Variants in MAGI2 observed in about 807,000 individuals in gnomAD.
MAGI2 encodes membrane-associated guanylate kinase, WW and PDZ domain-containing protein 2.
A neutral mutation model predicts 133.3 loss-of-function variants in MAGI2; 35 were observed. The observed-to-expected ratio is 0.26, with a 90% CI of 0.20 to 0.35. The LOEUF is 0.35. MAGI2 is among the 10% of genes least tolerant of loss of function. The pLI is 1.00. For missense variants in MAGI2, 1,636 were observed against 1,863.4 expected (o/e 0.88, Z 2.25); for synonymous variants, 729 against 710.6 (o/e 1.03, Z -0.41).
intron 1 of MAGI2, among the ~76,000 whole-genome samples, chr7:79,139,040 C>T (rs1453115731): frequency 6.7e-6 from 1 of 150,320 alleles, no homozygotes; most frequent in Admixed American, 6.6e-5. Context: ...AGAGAAAAGG[C>T]CATCTGGGAA....
chr7:78,350,858 A>G (rs1439014066), intron 7 of MAGI2, among the ~76,000 whole-genome samples: 9 of 152,102 alleles, frequency 5.9e-5, no homozygotes, highest in Admixed American at 5.9e-4. Context: ...TGCTCCCTGT[A>G]TATCTATATC....
chr7:78,398,326 T>C (rs1384062766), intron 6 of MAGI2, among the ~76,000 whole-genome samples: 1 of 152,110 alleles, frequency 6.6e-6, no homozygotes, highest in African/African-American at 2.4e-5. Context: ...CTTGTTGAAA[T>C]TGCACCTCTC....
chr7:79,049,132 C>T lies in MAGI2; in HGVS notation c.302-41926G>A, dbSNP rs532540942. ...TTTCATAATCTTTAATGTTACTCATCCACAAAGGAAAAAATGACATGATTA... is the reference window on the plus strand; with the variant it reads ...TTTCATAATCTTTAATGTTACTCATTCACAAAGGAAAAAATGACATGATTA... On this transcript the variant is annotated intron_variant, in intron 1 of 21. Coordinates refer to ENST00000354212, the MANE Select transcript of MAGI2 (RefSeq NM_012301.4). Among the ~76,000 whole-genome samples, 6 of 151,928 alleles carry T rather than the reference C, an allele frequency of 3.9e-5. No individual in the cohort carries two copies. In the South Asian group the frequency reaches 1.2e-3, roughly 32 times the overall value.
At chr7:79,335,220 T>C (rs567166940) in intron 1 of MAGI2, among the ~76,000 whole-genome samples, 25 of 152,272 alleles carry the variant, frequency 1.6e-4, no homozygotes, top group Non-Finnish European at 1.5e-4. Context: ...TAAAAAGGTC[T>C]ATAATGACTT....
intron 3 of MAGI2, among the ~76,000 whole-genome samples, chr7:78,622,108 T>C (rs1807808748): frequency 6.6e-6 from 1 of 151,978 alleles, no homozygotes; most frequent in Admixed American, 6.6e-5. Flanking sequence ...AATGCACCAA[T>C]TTTGGAAGCA....
chr7:79,402,843 C>A (rs1035330055), intron 1 of MAGI2, among the ~76,000 whole-genome samples: 2 of 152,068 alleles, frequency 1.3e-5, no homozygotes, highest in Admixed American at 1.3e-4. Context: ...TCTATAAATT[C>A]CATAACTTTC....
intron 12 of MAGI2, among the ~76,000 whole-genome samples, chr7:78,191,885 C>G (rs576210159): frequency 6.6e-6 from 1 of 152,128 alleles, no homozygotes; most frequent in East Asian, 1.9e-4. Context: ...TCAGCATAAT[C>G]GAATTATAAG....
intron 1 of MAGI2, among the ~76,000 whole-genome samples, chr7:79,109,579 A>G (rs907200462): frequency 6.6e-6 from 1 of 152,244 alleles, no homozygotes; most frequent in African/African-American, 2.4e-5. Context: ...GTTGGAATTT[A>G]TATTTAAACA....
chr7:78,398,042 C>A (rs1796518494), intron 6 of MAGI2, among the ~76,000 whole-genome samples: 1 of 151,976 alleles, frequency 6.6e-6, no homozygotes, highest in Non-Finnish European at 1.5e-5. Context: ...AGGCATAAAT[C>A]CTTCAGGAAG....
chr7:79,000,329 A>T (rs1382023248), intron 2 of MAGI2: 1 of 152,232 alleles, frequency 6.6e-6, no homozygotes, highest in African/African-American at 2.4e-5. Flanking sequence ...AAATAAATGT[A>T]CCTTCATAAA....
chr7:78,406,730 T>C (rs925710321), intron 6 of MAGI2, among the ~76,000 whole-genome samples: 2 of 152,072 alleles, frequency 1.3e-5, no homozygotes, highest in Admixed American at 1.3e-4. Flanking sequence ...GAGAGCCATT[T>C]TACCACATGC....
intron 2 of MAGI2, among the ~76,000 whole-genome samples, chr7:78,741,807 A>C (rs1396468379): frequency 1.3e-5 from 2 of 151,964 alleles, no homozygotes; most frequent in East Asian, 3.9e-4. Context: ...GTACCACTTA[A>C]CCTCTCTATA....
At chr7:79,318,297 T>C (rs959452118) in intron 1 of MAGI2, among the ~76,000 whole-genome samples, 2 of 152,222 alleles carry the variant, frequency 1.3e-5, no homozygotes, top group East Asian at 3.9e-4. Flanking sequence ...CATCAGTAGG[T>C]TGAGGAAACA....
intron 2 of MAGI2, among the ~76,000 whole-genome samples, chr7:78,630,644 T>C (rs900259222): frequency 1.3e-5 from 2 of 151,998 alleles, no homozygotes; most frequent in Non-Finnish European, 2.9e-5. Context: ...CTCAATCTCC[T>C]GACCTTGTGA....
At chr7:78,687,394 T>G (rs1816435080) in intron 2 of MAGI2, among the ~76,000 whole-genome samples, 1 of 152,210 alleles carries the variant, frequency 6.6e-6, no homozygotes, top group African/African-American at 2.4e-5. Flanking sequence ...GAAATGTTGT[T>G]ACAGGATTCA....
At chr7:78,625,230 A>G (rs1388715826) in intron 3 of MAGI2, among the ~76,000 whole-genome samples, 1 of 152,162 alleles carries the variant, frequency 6.6e-6, no homozygotes, top group Non-Finnish European at 1.5e-5. Context: ...GAGATAAAAA[A>G]AGAACCATAA....
intron 9 of MAGI2, among the ~76,000 whole-genome samples, chr7:78,326,589 T>A (rs1026574909): frequency 6.6e-6 from 1 of 152,142 alleles, no homozygotes; most frequent in Admixed American, 6.5e-5. Flanking sequence ...ATGGACTCGA[T>A]CCCACTCATT....
intron 1 of MAGI2, among the ~76,000 whole-genome samples, chr7:79,373,147 A>G (rs1462726546): frequency 3.3e-5 from 5 of 152,096 alleles, no homozygotes; most frequent in Admixed American, 3.3e-4. Flanking sequence ...CCATAAAGGG[A>G]ACAATCTGCA....
At chr7:78,199,964 C>G (rs1252280952) in intron 11 of MAGI2, among the ~76,000 whole-genome samples, 1 of 152,176 alleles carries the variant, frequency 6.6e-6, no homozygotes, top group East Asian at 1.9e-4. Context: ...ATGTGTATAA[C>G]CACAGAGCAC....
Sources: allele counts gnomAD v4.1 joint callset (sites outside exome capture counted in the v4.1 genomes callset), GRCh38; gene constraint gnomAD v4.1.1; transcripts MANE v1.5; gene names NCBI Gene and HGNC (gene_info 2026-07-23, HGNC 2026-07-21).